The following CERS4 variants were observed in gnomAD, a reference collection of about 807,000 sequenced individuals.
CERS4 encodes LAG1 homolog, ceramide synthase 4.
CERS4 carries 65 observed loss-of-function variants against 51.8 expected under a neutral mutation model. That is an observed-to-expected ratio of 1.26 (90% CI 1.03 to 1.54). The LOEUF is 1.54. Among genes scored for constraint, CERS4 ranks in the 40% most tolerant of loss-of-function variants. The pLI is 0.00. For missense variants in CERS4, 563 were observed against 500.4 expected (o/e 1.13, Z -1.19); for synonymous variants, 228 against 208.4 (o/e 1.09, Z -0.81).
intron 2 of CERS4, among the ~76,000 whole-genome samples, chr19:8,243,194 TAAAAAAAA>T (rs56754017): frequency 1.7e-4 from 10 of 59,866 alleles, no homozygotes; most frequent in South Asian, 7.8e-4. Flanking sequence ...ACCCTGTCTC[TAAAAAAAA>T]AAAAAAAAAA....
intron 2 of CERS4, among the ~76,000 whole-genome samples, chr19:8,234,743 G>A (rs905509650): frequency 7.9e-5 from 12 of 151,000 alleles, no homozygotes; most frequent in African/African-American, 2.4e-4. Flanking sequence ...TAGTAGAGGT[G>A]GGGTTTCACC....
intron 2 of CERS4, among the ~76,000 whole-genome samples, chr19:8,231,942 C>T (rs2145210665): frequency 6.7e-6 from 1 of 149,776 alleles, no homozygotes; most frequent in South Asian, 2.1e-4. Context: ...ATCCTCCCAC[C>T]TCAGCCTCCT....
chr19:8,224,608 T>C (rs1967709076), intron 2 of CERS4, among the ~76,000 whole-genome samples: 1 of 152,120 alleles, frequency 6.6e-6, no homozygotes, highest in Admixed American at 6.6e-5. Context: ...GAATGGCATG[T>C]GCCAAGGTCC....
At chr19:8,222,698 A>G (rs1193660475) in intron 2 of CERS4, among the ~76,000 whole-genome samples, 1 of 151,542 alleles carries the variant, frequency 6.6e-6, no homozygotes, top group Non-Finnish European at 1.5e-5. Context: ...GGGTTTCTCC[A>G]TGTTGGTCAG....
intron 2 of CERS4, among the ~76,000 whole-genome samples, chr19:8,250,163 T>C (rs1028625959): frequency 3.3e-5 from 5 of 149,624 alleles, no homozygotes; most frequent in Non-Finnish European, 7.4e-5. Flanking sequence ...TTAGTAAAGA[T>C]GGAGTTTTGC....
chr19:8,244,752 G>A (rs1327251465), intron 2 of CERS4, among the ~76,000 whole-genome samples: 1 of 152,108 alleles, frequency 6.6e-6, no homozygotes, highest in African/African-American at 2.4e-5. Context: ...AGATGGTGCA[G>A]TCCTGCCTTG....
chr19:8,256,467 C>T, intron 7 of CERS4, 151 bp from the exon 8 acceptor site: 2 of 960,704 alleles, frequency 2.1e-6, no homozygotes, highest in South Asian at 3.3e-5. Flanking sequence ...TTCCACCAAA[C>T]CACTGCCCTT....
chr19:8,211,405 C>T (rs1408837862), intron 2 of CERS4, among the ~76,000 whole-genome samples: 1 of 152,166 alleles, frequency 6.6e-6, no homozygotes, highest in Non-Finnish European at 1.5e-5. Flanking sequence ...CCCTGTCCTG[C>T]CACTTTGAGT....
chr19:8,246,374 T>C lies in CERS4; in HGVS notation c.-1-4702T>C, dbSNP rs1287690182. Among the ~76,000 whole-genome samples, 3 of 151,608 alleles carry C rather than the reference T, an allele frequency of 2.0e-5. No individual in the cohort carries two copies. The South Asian group carries it at 6.2e-4, about 32-fold the overall frequency. On this transcript the variant is annotated intron_variant, in intron 2 of 11. Transcript: ENST00000251363. ...GGGTTTGAGACCAGCCTGGATAACA[T>C]AGGGAGACCCTCTCTCTACACAAAA...
intron 2 of CERS4, among the ~76,000 whole-genome samples, chr19:8,220,946 C>T (rs573882990): frequency 3.3e-5 from 5 of 151,964 alleles, no homozygotes; most frequent in South Asian, 2.1e-4. Flanking sequence ...CTCAGCCTCC[C>T]GAGTAGCTGG....
intron 2 of CERS4, among the ~76,000 whole-genome samples, chr19:8,217,206 A>G (rs533872741): frequency 1.3e-4 from 20 of 152,152 alleles, no homozygotes; most frequent in African/African-American, 4.8e-4. Flanking sequence ...CTGGGGCCTG[A>G]GTGGGAGTGA....
intron 2 of CERS4, among the ~76,000 whole-genome samples, chr19:8,213,416 C>T (rs1042897911): frequency 6.6e-6 from 1 of 152,096 alleles, no homozygotes; most frequent in Non-Finnish European, 1.5e-5. Flanking sequence ...AGCTCAACCT[C>T]AGCCTCCTGA....
At chr19:8,255,904 C>T (rs1480624591) in intron 6 of CERS4, 25 bp downstream of exon 6, 1 of 1,611,768 alleles carries the variant, frequency 6.2e-7, no homozygotes, top group South Asian at 1.1e-5. Context: ...GTATAGCTGA[C>T]TGCTCACCTG....
At chr19:8,213,694 G>A (rs940669335) in intron 2 of CERS4, among the ~76,000 whole-genome samples, 12 of 152,024 alleles carry the variant, frequency 7.9e-5, no homozygotes, top group African/African-American at 2.4e-4. Context: ...GGCCCGGCGC[G>A]GTGGCTCACG....
rs1384350040 is a variant in CERS4 at position 8,262,152 on chromosome 19, CTTGGA to C, written c.*45_*49del. The C allele has an allele frequency of 4.2e-6, 6 of 1,426,316 alleles. No homozygotes were observed. The African/African-American group carries it at 5.8e-5, about 14-fold the overall frequency. The allele number at this position is 1,426,316 out of a possible 1,614,324, so 88.4% of individuals were successfully genotyped here. A position where few individuals can be genotyped will look rare whatever the true frequency, so the allele number is the denominator to read the frequency against. Reference sequence around the variant, plus strand: ...TAAGGGGTTGCCCCCCCGCCAGTGCCTTGGATATTTCTGGGGTGACTGGACTGGCG... The same window carrying C: ...TAAGGGGTTGCCCCCCCGCCAGTGCCTATTTCTGGGGTGACTGGACTGGCG... On this transcript the variant is annotated 3_prime_UTR_variant, in exon 12 of 12. Transcript: ENST00000251363.
chr19:8,255,767 CGGGGT>C (rs774780395), intron 5 of CERS4, 42 bp downstream of exon 5: 2 of 874,602 alleles, frequency 2.3e-6, no homozygotes, highest in Non-Finnish European at 1.7e-6. Flanking sequence ...GGAAGCGGGC[CGGGGT>C]GGGGCGGGGC....
chr19:8,226,450 G>C lies in CERS4; in HGVS notation c.-2+15588G>C, dbSNP rs114314845. Among the ~76,000 whole-genome samples, 524 of 152,224 alleles carry C rather than the reference G, an allele frequency of 3.4e-3. 4 individuals carry two copies. The highest frequency in any genetic ancestry group is 0.012 in the African/African-American group (505 of 41,558). ...CTACCTCCATGTATGCTGTCACCAG[G>C]GAGCAGCACAGGGGCCCAGCCAACA... On this transcript the variant is annotated intron_variant, in intron 2 of 11. Transcript: ENST00000251363.
At chr19:8,209,605 G>C (rs1967004086) in intron 1 of CERS4, 111 bp downstream of exon 1, 1 of 152,352 alleles carries the variant, frequency 6.6e-6, no homozygotes, top group African/African-American at 2.4e-5. Flanking sequence ...ACTCGCAGCT[G>C]GGCTCCAGCC....
intron 2 of CERS4, among the ~76,000 whole-genome samples, chr19:8,250,042 T>G (rs905409889): frequency 6.6e-6 from 1 of 152,034 alleles, no homozygotes; most frequent in Admixed American, 6.6e-5. Context: ...TGGCATGATC[T>G]CGGCTCACTG....
Sources: gnomAD v4.1 joint callset for allele counts (sites outside exome capture counted in the v4.1 genomes callset) on GRCh38, gnomAD v4.1.1 for gene constraint, MANE v1.5 for transcripts, NCBI Gene and HGNC (gene_info 2026-07-23, HGNC 2026-07-21) for gene names.